Variants in ELAVL2 observed in about 807,000 individuals in gnomAD.
ELAVL2 encodes the protein ELAV like RNA binding protein 2, also known as ELAV-like protein 2.
In ELAVL2, 4 loss-of-function variants were observed where a neutral mutation model predicts 34.6. The ratio of observed to expected loss-of-function variants is 0.12; its 90% CI spans 0.06 to 0.26. The LOEUF is 0.26. Ranked by LOEUF, ELAVL2 falls within the 10% of genes least tolerant of loss-of-function variation. The pLI, the probability that ELAVL2 is intolerant of heterozygous loss-of-function variation, is 1.00. For missense variants in ELAVL2, 432 were observed against 442.8 expected, an observed-to-expected ratio of 0.98 and a Z score of 0.22; for synonymous variants, 193 against 154.8, an observed-to-expected ratio of 1.25 and a Z score of -1.83.
rs2033436080 is a variant in ELAVL2 at position 23,692,400 on chromosome 9, C to T, written c.*157G>A. 1 of 735,018 alleles carries T rather than the reference C, an allele frequency of 1.4e-6. No individual in the cohort carries two copies. Among genetic ancestry groups the T allele is most frequent in the Non-Finnish European group, 2.1e-6 (1 of 466,056 alleles). 45.5% of individuals were successfully genotyped at this position (735,018 alleles called of 1,614,324 possible). On this transcript the variant is annotated 3_prime_UTR_variant, in exon 7 of 7. Transcript: ENST00000397312. The stretch of plus-strand genomic sequence containing the variant: ...TAAGAAGTTTTAATTCAAATACTAG[C>T]AATAAAAAATCTCACATATTTCTTA...
chr9:23,806,453 T>C lies in ELAVL2; in HGVS notation c.-16+19353A>G, dbSNP rs528335791. On this transcript the variant is annotated intron_variant, in intron 1 of 6. Coordinates refer to ENST00000397312, the MANE Select transcript of ELAVL2 (RefSeq NM_004432.5). ...GATTTCAAGACAAGCCTGGGTAAGA[T>C]GGTGAGACCCCATCTCTACAAAAAA... Among the ~76,000 whole-genome samples the C allele has an allele frequency of 3.7e-4, 57 of 152,168 alleles. No individual in the cohort carries two copies. The Middle Eastern group carries it at 0.01, about 27-fold the overall frequency.
chr9:23,706,987 A>G (rs2039531509), intron 3 of ELAVL2, among the ~76,000 whole-genome samples: 1 of 152,220 alleles, frequency 6.6e-6, no homozygotes, highest in Admixed American at 6.5e-5. Flanking sequence ...AAGTGAAAAT[A>G]TACCTGTTGT....
chr9:23,704,623 TCA>T lies in ELAVL2; in HGVS notation c.487+293_487+294del, dbSNP rs2038695856. On this transcript the variant is annotated intron_variant, in intron 4 of 6. Coordinates refer to ENST00000397312, the MANE Select transcript of ELAVL2 (RefSeq NM_004432.5). Reference sequence around the variant, plus strand: ...TCTATAAGCAGGATGGGGGCTTTTATCACACAGTGGCTTGGAAATGAAGATTA... The same window carrying T: ...TCTATAAGCAGGATGGGGGCTTTTATCACAGTGGCTTGGAAATGAAGATTA... Among the ~76,000 whole-genome samples the T allele has an allele frequency of 3.9e-5, 6 of 152,324 alleles. No homozygotes were observed. In the South Asian group the frequency reaches 1.2e-3, roughly 32 times the overall value.
At chr9:23,741,435 C>A in intron 2 of ELAVL2, among the ~76,000 whole-genome samples, 1 of 152,148 alleles carries the variant, frequency 6.6e-6, no homozygotes, top group Non-Finnish European at 1.5e-5. Context: ...TGAGCAGATG[C>A]AGATGTAAGA....
intron 3 of ELAVL2, among the ~76,000 whole-genome samples, chr9:23,707,371 T>C (rs2039658458): frequency 6.6e-6 from 1 of 152,220 alleles, no homozygotes; most frequent in African/African-American, 2.4e-5. Flanking sequence ...CATCCCTATC[T>C]AGGATTCTAT....
In ELAVL2 at chr9:23,701,594, C is replaced by T. The variant is rs1426198729; in HGVS notation, c.498G>A (p.Arg166=). ...TGTCAAATCGAATAAACCCTACACC[C>T]CTTGATATGCCTATGGTAGATTTGA... ...ILVDQVTGIS[R]GVGFIRFDKR... is the part of the protein sequence containing the mutation. Residue 166 remains arginine (R), a synonymous_variant, in exon 5 of 7, where the codon AGG becomes AGA. Coordinates refer to ENST00000397312, the MANE Select transcript of ELAVL2 (RefSeq NM_004432.5). 1.1e-5 allele frequency: 17 copies of T among 1,613,892 alleles called. No homozygotes were observed. The highest frequency in any genetic ancestry group is 1.4e-5 in the Non-Finnish European group (17 of 1,179,940).
intron 1 of ELAVL2, among the ~76,000 whole-genome samples, chr9:23,823,495 G>A (rs573169927): frequency 4.6e-5 from 7 of 152,304 alleles, no homozygotes; most frequent in Non-Finnish European, 8.8e-5. Context: ...GAAGCGGGGT[G>A]CCCAAGCACT....
In ELAVL2 at chr9:23,697,384, T is replaced by C. The variant is rs536267430; in HGVS notation, c.714-3898A>G. 2.9e-4 allele frequency among the ~76,000 whole-genome samples: 44 copies of C among 152,324 alleles called. 1 individual carries two copies. In the South Asian group the frequency reaches 8.9e-3, roughly 31 times the overall value. ...AGATGAGATATCTGAAATTATTTTA[T>C]GGTCTTGCTTTAAAAGACATTTATT... On this transcript the variant is annotated intron_variant, in intron 5 of 6. Coordinates refer to ENST00000397312, the MANE Select transcript of ELAVL2 (RefSeq NM_004432.5).
At chr9:23,704,799 T>C in intron 4 of ELAVL2, 119 bp downstream of exon 4, 9 of 1,301,864 alleles carry the variant, frequency 6.9e-6, no homozygotes, top group Non-Finnish European at 9.5e-6. Context: ...TTGCATTTTC[T>C]GGCCCACATA....
At chr9:23,799,959 T>C (rs916646670) in intron 1 of ELAVL2, among the ~76,000 whole-genome samples, 2 of 152,128 alleles carry the variant, frequency 1.3e-5, no homozygotes, top group African/African-American at 4.8e-5. Context: ...AAGGACTCTG[T>C]GGGTGGGTGC....
Position 23,690,352 on chromosome 9 carries a change from A to G in ELAVL2, c.*2205T>C, listed in dbSNP as rs2032754291. 6.6e-6 allele frequency: 1 copy of G among 152,606 alleles called. No individual in the cohort carries two copies. Among genetic ancestry groups the G allele is most frequent in the East Asian group, 1.9e-4 (1 of 5,192 alleles). 9.5% of individuals were successfully genotyped at this position (152,606 alleles called of 1,614,324 possible). On this transcript the variant is annotated 3_prime_UTR_variant, in exon 7 of 7. Transcript: ENST00000397312. ...TCTCATCAATGCCTTGGTTTGCTAC[A>G]GTAGTATAGGAAAGAAGCATGTAGC...
rs1037988663 is a variant in ELAVL2 at position 23,691,072 on chromosome 9, A to G, written c.*1485T>C. The G allele has an allele frequency of 6.6e-6, 1 of 152,578 alleles. No homozygotes were observed. Among genetic ancestry groups the G allele is most frequent in the Non-Finnish European group, 1.5e-5 (1 of 67,994 alleles). The allele number at this position is 152,578 out of a possible 1,614,324, so 9.5% of individuals were successfully genotyped here. ...ATAAACCAAAATGTAGCATCACCAT[A>G]AACAGCTGAAGCTAGACTATCTACA... is the stretch of plus-strand genomic sequence containing the variant. On this transcript the variant is annotated 3_prime_UTR_variant, in exon 7 of 7. Coordinates refer to ENST00000397312, the MANE Select transcript of ELAVL2 (RefSeq NM_004432.5).
chr9:23,811,611 G>C (rs940218210), intron 1 of ELAVL2, among the ~76,000 whole-genome samples: 11 of 152,196 alleles, frequency 7.2e-5, no homozygotes, highest in African/African-American at 1.4e-4. Flanking sequence ...TAATTATTTT[G>C]ACTTTTTCCT....
At chr9:23,807,236 T>C (rs931471391) in intron 1 of ELAVL2, among the ~76,000 whole-genome samples, 1 of 152,196 alleles carries the variant, frequency 6.6e-6, no homozygotes, top group Non-Finnish European at 1.5e-5. Flanking sequence ...TATTTTAAAA[T>C]ATCATATCCT....
Position 23,707,788 on chromosome 9 carries a change from T to A in ELAVL2, c.334-2717A>T, listed in dbSNP as rs541128831. 3.3e-5 allele frequency among the ~76,000 whole-genome samples: 5 copies of A among 152,350 alleles called. No individual in the cohort carries two copies. The South Asian group carries it at 1.0e-3, about 32-fold the overall frequency. ...GAAAAGCTTCAGAGCCTAATCTATG[T>A]GACATTATAAATATTATTTACCTCT... On this transcript the variant is annotated intron_variant, in intron 3 of 6. Coordinates refer to ENST00000397312, the MANE Select transcript of ELAVL2 (RefSeq NM_004432.5).
intron 5 of ELAVL2, among the ~76,000 whole-genome samples, chr9:23,699,974 C>A (rs1001482067): frequency 5.3e-5 from 8 of 151,912 alleles, no homozygotes; most frequent in Admixed American, 4.6e-4. Context: ...GCATTCATAA[C>A]AAATTTCCTT....
chr9:23,692,736 C>G lies in ELAVL2; in HGVS notation c.901G>C (p.Ala301Pro). 6.2e-7 allele frequency: 1 copy of G among 1,614,180 alleles called. No individual in the cohort carries two copies. Among genetic ancestry groups the G allele is most frequent in the Non-Finnish European group, 8.5e-7 (1 of 1,180,010 alleles). ...ILWQMFGPFGAVTNVKVIRDF... is the reference protein window; with the variant it reads ...ILWQMFGPFGPVTNVKVIRDF... ...CGGATGACCTTCACATTGGTGACAG[C>G]TCCAAAAGGCCCAAACATTTGCCAC... is the stretch of plus-strand genomic sequence containing the variant. The change falls in exon 7 of 7, where the codon GCT becomes CCT. Residue 301 changes from alanine (A) to proline (P), a missense_variant. Physicochemically the swap from Ala to Pro is conservative, Grantham distance 27. Transcript: ENST00000397312.
At chr9:23,829,240 C>T (rs2065424170), upstream of ELAVL2, among the ~76,000 whole-genome samples, 1 of 152,092 alleles carries the variant, frequency 6.6e-6, no homozygotes. Flanking sequence ...AAGAATAGTT[C>T]TCAAAACCGA....
chr9:23,712,291 T>C (rs1467322402), intron 3 of ELAVL2, among the ~76,000 whole-genome samples: 1 of 152,122 alleles, frequency 6.6e-6, no homozygotes, highest in Non-Finnish European at 1.5e-5. Context: ...TGCAACACAG[T>C]CTTCAAAATC....
Sources: allele counts gnomAD v4.1 joint callset (sites outside exome capture counted in the v4.1 genomes callset), GRCh38; gene constraint gnomAD v4.1.1; transcripts MANE v1.5; gene names NCBI Gene and HGNC (gene_info 2026-07-23, HGNC 2026-07-21).